Variants in FERRY3 observed in about 807,000 individuals in gnomAD.
The protein encoded by FERRY3 is FERRY endosomal RAB5 effector complex subunit 3.
chr12:4,510,549 G>A, the FERRY3 span, among the ~76,000 whole-genome samples: 33 of 148,024 alleles, frequency 2.2e-4, no homozygotes, highest in East Asian at 2.8e-3. Flanking sequence ...CAGATCTCTC[G>A]GCAGAAACCC....
chr12:4,534,071 C>T, the FERRY3 span: 19 of 1,377,664 alleles, frequency 1.4e-5, no homozygotes, highest in African/African-American at 1.3e-4. Context: ...GATCTTATAA[C>T]GATTTCAGGA....
chr12:4,536,343 T>C, the FERRY3 span: 3 of 487,822 alleles, frequency 6.1e-6, no homozygotes, highest in East Asian at 1.1e-4. Flanking sequence ...TTCTAGTTTT[T>C]CCCAAGTGTT....
chr12:4,493,625 G>A, the FERRY3 span, among the ~76,000 whole-genome samples: 1 of 152,122 alleles, frequency 6.6e-6, no homozygotes, highest in Non-Finnish European at 1.5e-5. Flanking sequence ...TAACACTTTG[G>A]CTTCAAAGTT....
At chr12:4,516,699 C>T in the FERRY3 span, among the ~76,000 whole-genome samples, 3 of 152,066 alleles carry the variant, frequency 2.0e-5, no homozygotes, top group Non-Finnish European at 4.4e-5. Context: ...AACACACACT[C>T]GGGCTTGTTA....
At chr12:4,534,203 A>T in the FERRY3 span, 1 of 1,612,440 alleles carries the variant, frequency 6.2e-7, no homozygotes, top group Non-Finnish European at 8.5e-7. Flanking sequence ...ATGTAAATCT[A>T]CTTCACCTGA....
chr12:4,535,581 T>C, the FERRY3 span, among the ~76,000 whole-genome samples: 1 of 152,268 alleles, frequency 6.6e-6, no homozygotes, highest in East Asian at 1.9e-4. The surrounding 1 kb of genome is among the most constrained non-coding windows in gnomAD (Gnocchi z 4.0). Context: ...TCTAACTTTA[T>C]AAAACTAATT....
At chr12:4,525,469 C>T in the FERRY3 span, 3 of 1,606,076 alleles carry the variant, frequency 1.9e-6, no homozygotes, top group South Asian at 1.1e-5. Flanking sequence ...CTAAAAGTCA[C>T]TGTATTTCAC....
chr12:4,496,648 C>T, the FERRY3 span, among the ~76,000 whole-genome samples: 10 of 152,278 alleles, frequency 6.6e-5, no homozygotes, highest in East Asian at 1.3e-3. Flanking sequence ...ACTGAGACAA[C>T]GCCTTCTATC....
the FERRY3 span, chr12:4,500,323 G>C: frequency 6.2e-7 from 1 of 1,613,578 alleles, no homozygotes; most frequent in Non-Finnish European, 8.5e-7. Flanking sequence ...TTAGAATGCC[G>C]TGTAATATAA....
the FERRY3 span, chr12:4,536,177 TTC>T: frequency 5.0e-6 from 8 of 1,587,146 alleles, no homozygotes; most frequent in South Asian, 2.3e-5. Flanking sequence ...TGCAGAATCT[TTC>T]TCTGTTTTTC....
chr12:4,506,929 C>G, the FERRY3 span, among the ~76,000 whole-genome samples: 1 of 152,148 alleles, frequency 6.6e-6, no homozygotes, highest in Non-Finnish European at 1.5e-5. Context: ...TCACAAAGTC[C>G]TTCTATAACA....
At chr12:4,532,445 A>G in the FERRY3 span, among the ~76,000 whole-genome samples, 1 of 151,986 alleles carries the variant, frequency 6.6e-6, no homozygotes, top group Non-Finnish European at 1.5e-5. Flanking sequence ...TCTCTAATAA[A>G]CCTACCTTTC....
chr12:4,509,831 C>A, the FERRY3 span, among the ~76,000 whole-genome samples: 48 of 137,370 alleles, frequency 3.5e-4, 4 homozygotes, highest in South Asian at 3.3e-3. Context: ...AACTCTAAAA[C>A]GCAGAGCGTC....
At chr12:4,515,206 T>G in the FERRY3 span, among the ~76,000 whole-genome samples, 2 of 152,228 alleles carry the variant, frequency 1.3e-5, no homozygotes, top group Non-Finnish European at 2.9e-5. Context: ...TATGTGTAGA[T>G]AGAAAGCTTC....
the FERRY3 span, among the ~76,000 whole-genome samples, chr12:4,520,876 T>C: frequency 2.0e-5 from 3 of 152,258 alleles, no homozygotes; most frequent in Non-Finnish European, 4.4e-5. Context: ...TCTCCAAGCA[T>C]TGTTCCAGTG....
chr12:4,518,322 C>A, the FERRY3 span: 1 of 1,391,818 alleles, frequency 7.2e-7, no homozygotes, highest in Non-Finnish European at 1.0e-6. Flanking sequence ...TAACAAGATG[C>A]AAATCTCTAT....
chr12:4,506,262 A>C, the FERRY3 span, among the ~76,000 whole-genome samples: 14 of 152,168 alleles, frequency 9.2e-5, no homozygotes, highest in African/African-American at 3.4e-4. Context: ...TCTATTTTGG[A>C]ATGGCCTTTA....
the FERRY3 span, among the ~76,000 whole-genome samples, chr12:4,522,353 T>C: frequency 2.0e-5 from 3 of 152,344 alleles, no homozygotes; most frequent in African/African-American, 4.8e-5. Context: ...TATTTGATGA[T>C]GGACTTGTAT....
chr12:4,505,633 C>T, the FERRY3 span, among the ~76,000 whole-genome samples: 2 of 152,216 alleles, frequency 1.3e-5, no homozygotes, highest in Non-Finnish European at 2.9e-5. Flanking sequence ...GATGGGTTAA[C>T]TAACTTAACC....
Sources: gnomAD v4.1 joint callset for allele counts (sites outside exome capture counted in the v4.1 genomes callset) on GRCh38, gnomAD v4.1.1 for gene constraint, Gnocchi (gnomAD v3.1) non-coding constraint, MANE v1.5 for transcripts, NCBI Gene and HGNC (gene_info 2026-07-23, HGNC 2026-07-21) for gene names.